The following PLCH1 variants were observed in gnomAD, a reference collection of about 807,000 sequenced individuals.
PLCH1 encodes 1-phosphatidylinositol 4,5-bisphosphate phosphodiesterase eta-1.
A neutral mutation model predicts 126.7 loss-of-function variants in PLCH1; 60 were observed. The ratio of observed to expected loss-of-function variants is 0.47; its 90% confidence interval spans 0.38 to 0.59. The LOEUF is 0.59. Ranked by LOEUF, PLCH1 falls within the 20% of genes least tolerant of loss-of-function variation. The probability of loss-of-function intolerance (pLI) is 0.00; values close to 1 mark genes in which losing one functional copy is unlikely to be tolerated. For missense variants in PLCH1, 1,723 were observed against 2,040.0 expected, an observed-to-expected ratio of 0.84 and a Z score of 2.99; for synonymous variants, 719 against 734.9, an observed-to-expected ratio of 0.98 and a Z score of 0.35.
At chr3:155,626,559 G>C (rs1040542617) in intron 2 of PLCH1, among the ~76,000 whole-genome samples, 46 of 151,966 alleles carry the variant, frequency 3.0e-4, no homozygotes, top group Admixed American at 2.7e-3. Flanking sequence ...CACGAGGTCA[G>C]GAGATCGAGA....
intron 14 of PLCH1, among the ~76,000 whole-genome samples, chr3:155,499,889 T>G (rs963436123): frequency 1.3e-5 from 2 of 152,240 alleles, no homozygotes; most frequent in African/African-American, 4.8e-5. Context: ...TAGTTACTAT[T>G]TTATGTATAC....
intron 1 of PLCH1, among the ~76,000 whole-genome samples, chr3:155,705,294 C>T (rs1289306828): frequency 1.3e-5 from 2 of 152,150 alleles, no homozygotes; most frequent in African/African-American, 4.8e-5. Context: ...GTCAGAGCTT[C>T]TCCTTGGCTC....
chr3:155,600,347 T>C (rs1220422539), intron 2 of PLCH1, among the ~76,000 whole-genome samples: 3 of 152,218 alleles, frequency 2.0e-5, no homozygotes, highest in Non-Finnish European at 4.4e-5. Flanking sequence ...TAACAGCAGT[T>C]ACCACCCCTA....
intron 12 of PLCH1, among the ~76,000 whole-genome samples, chr3:155,511,579 G>A (rs1194581178): frequency 3.6e-4 from 50 of 137,522 alleles, no homozygotes; most frequent in Admixed American, 1.8e-3. Flanking sequence ...TAACAGACAG[G>A]ACCCTCAGCT....
intron 11 of PLCH1, among the ~76,000 whole-genome samples, chr3:155,523,031 G>C (rs1418411437): frequency 6.6e-6 from 1 of 152,024 alleles, no homozygotes; most frequent in Non-Finnish European, 1.5e-5. Flanking sequence ...CTGGAGTTCA[G>C]TGGCGCGATC....
chr3:155,686,139 T>A (rs1266448110), intron 2 of PLCH1, among the ~76,000 whole-genome samples: 1 of 152,140 alleles, frequency 6.6e-6, no homozygotes, highest in African/African-American at 2.4e-5. Context: ...TGCATGCGTG[T>A]GTGTGTATAG....
At chr3:155,499,900 A>G (rs1243902622) in intron 14 of PLCH1, among the ~76,000 whole-genome samples, 3 of 152,204 alleles carry the variant, frequency 2.0e-5, no homozygotes, top group South Asian at 2.1e-4. Context: ...TTATGTATAC[A>G]TATTCTGTTG....
chr3:155,474,925 G>A (rs1420589440), downstream of PLCH1, among the ~76,000 whole-genome samples: 1 of 117,906 alleles, frequency 8.5e-6, no homozygotes, highest in Non-Finnish European at 1.7e-5. Context: ...TGGGGACTGT[G>A]GTGGGGTGGG....
intron 1 of PLCH1, among the ~76,000 whole-genome samples, chr3:155,727,392 T>TC (rs1748419003): frequency 1.9e-5 from 1 of 53,938 alleles, no homozygotes; most frequent in Admixed American, 1.9e-4. Flanking sequence ...TACGAAATCC[T>TC]TTTTTTTTTT....
At chr3:155,536,935 G>A (rs1339204053) in intron 10 of PLCH1, among the ~76,000 whole-genome samples, 2 of 152,030 alleles carry the variant, frequency 1.3e-5, no homozygotes, top group Non-Finnish European at 2.9e-5. Context: ...AAAGCATTAG[G>A]TAGTCTATAA....
At chr3:155,599,506 G>A (rs73874861) in intron 2 of PLCH1, among the ~76,000 whole-genome samples, 1 of 152,124 alleles carries the variant, frequency 6.6e-6, no homozygotes, top group African/African-American at 2.4e-5. Context: ...GGGGGGACTG[G>A]GGATGCTGGT....
rs1193913338 is a variant in PLCH1 at position 155,480,206 on chromosome 3, A to C, written c.*762T>G. On this transcript the variant is annotated 3_prime_UTR_variant, in exon 23 of 23. Transcript: ENST00000460012. ...CTGAAAGCCGTTGTTCGCAGTCTGT[A>C]ATTCAATCAGAAAATTCAAAAGTAC... is the stretch of plus-strand genomic sequence containing the variant. 6.6e-6 allele frequency: 1 copy of C among 152,632 alleles called. No homozygotes were observed. The highest frequency in any genetic ancestry group is 2.4e-5 in the African/African-American group (1 of 41,434). 9.5% of individuals were successfully genotyped at this position (152,632 alleles called of 1,614,324 possible). A position where few individuals can be genotyped will look rare whatever the true frequency, so the allele number is the denominator to read the frequency against.
chr3:155,547,523 A>C lies in PLCH1; in HGVS notation c.1362+2264T>G, dbSNP rs560250608. The stretch of plus-strand genomic sequence containing the variant: ...TATAACTAGAAATACCATTTGACCC[A>C]CCAATCCCATTACTGGGTATATACC... On this transcript the variant is annotated intron_variant, in intron 10 of 22. Coordinates refer to ENST00000460012, the MANE Select transcript of PLCH1 (RefSeq NM_014996.4). Among the ~76,000 whole-genome samples, 1,134 of 148,626 alleles carry C rather than the reference A, an allele frequency of 7.6e-3. 25 individuals are homozygous for C. Among genetic ancestry groups the C allele is most frequent in the African/African-American group, 0.026 (1,070 of 40,754 alleles).
intron 1 of PLCH1, among the ~76,000 whole-genome samples, chr3:155,708,284 G>C (rs962785903): frequency 6.6e-6 from 1 of 152,200 alleles, no homozygotes; most frequent in Non-Finnish European, 1.5e-5. Flanking sequence ...AATAGAGTTA[G>C]TAGGCCTGGG....
intron 20 of PLCH1, 27 bp from the exon 21 acceptor site, chr3:155,488,134 T>C: frequency 2.8e-6 from 4 of 1,442,474 alleles, no homozygotes; most frequent in East Asian, 2.3e-5. Flanking sequence ...GAGTCGTTTC[T>C]TTTTAGTTGA....
intron 2 of PLCH1, among the ~76,000 whole-genome samples, chr3:155,702,683 T>C (rs140864419): frequency 3.6e-4 from 54 of 151,846 alleles, no homozygotes; most frequent in Admixed American, 5.2e-4. Flanking sequence ...TAATAATGAG[T>C]TTAAGGCACT....
intron 10 of PLCH1, among the ~76,000 whole-genome samples, chr3:155,547,770 C>G (rs950387153): frequency 6.6e-6 from 1 of 151,104 alleles, no homozygotes; most frequent in Admixed American, 6.6e-5. Flanking sequence ...AATCATCATT[C>G]TCAGTAAACT....
chr3:155,676,349 C>T (rs1446637825), intron 2 of PLCH1: 4 of 1,066,692 alleles, frequency 3.7e-6, no homozygotes, highest in Non-Finnish European at 4.5e-6. Context: ...GGAATGCAGG[C>T]GCTGTGGCTA....
intron 3 of PLCH1, among the ~76,000 whole-genome samples, chr3:155,594,528 G>A (rs781005430): frequency 8.6e-5 from 13 of 152,014 alleles, no homozygotes; most frequent in South Asian, 2.1e-4. Context: ...AGCCAAGATC[G>A]TGCCACTGCA....
Sources: allele counts gnomAD v4.1 joint callset (sites outside exome capture counted in the v4.1 genomes callset), GRCh38; gene constraint gnomAD v4.1.1; transcripts MANE v1.5; gene names NCBI Gene and HGNC (gene_info 2026-07-23, HGNC 2026-07-21).